Variants in TDRD12 observed in about 807,000 individuals in gnomAD.
TDRD12 encodes the protein tudor domain containing 12.
Under a neutral mutation model 133.5 loss-of-function variants are expected in TDRD12, and 158 were observed. The ratio of observed to expected loss-of-function variants is 1.18; its 90% CI spans 1.04 to 1.35. The LOEUF (loss-of-function observed/expected upper bound fraction) is 1.35. Among genes scored for constraint, TDRD12 ranks in the 40% most tolerant of loss-of-function variants. The probability of loss-of-function intolerance (pLI) is 0.00; values close to 1 mark genes in which losing one functional copy is unlikely to be tolerated. For synonymous variants in TDRD12, 460 were observed against 477.9 expected, an observed-to-expected ratio of 0.96 and a Z score of 0.49; for missense variants, 1,443 against 1,321.3, an observed-to-expected ratio of 1.09 and a Z score of -1.43.
At chr19:32,732,239 A>G (rs1464123958) in intron 2 of TDRD12, among the ~76,000 whole-genome samples, 1 of 152,200 alleles carries the variant, frequency 6.6e-6, no homozygotes, top group Non-Finnish European at 1.5e-5. Context: ...TCCAGACCTC[A>G]GGTGATCCAC....
chr19:32,781,608 C>T lies in TDRD12; in HGVS notation c.1121+4379C>T, dbSNP rs944293736. ...ATAGTTTGGGTATACATTTTGAAGA[C>T]ATTTCTACTTCTAGTTTCTAGTGTA... On this transcript the variant is annotated intron_variant, in intron 11 of 27. Transcript: ENST00000444215. 3.3e-5 allele frequency among the ~76,000 whole-genome samples: 5 copies of T among 152,152 alleles called. No homozygotes were observed. The South Asian group carries it at 8.3e-4, about 25-fold the overall frequency.
chr19:32,723,854 T>G (rs1352686918), intron 1 of TDRD12, among the ~76,000 whole-genome samples: 1 of 152,132 alleles, frequency 6.6e-6, no homozygotes, highest in African/African-American at 2.4e-5. Context: ...ATTACTGGGT[T>G]TTGTTTTGTT....
chr19:32,754,200 C>G (rs1236380669), intron 6 of TDRD12, among the ~76,000 whole-genome samples: 1 of 152,190 alleles, frequency 6.6e-6, no homozygotes, highest in Non-Finnish European at 1.5e-5. Context: ...AAGGCTGTGA[C>G]TTACACCTGT....
intron 7 of TDRD12, 31 bp from the exon 8 acceptor site, chr19:32,757,007 C>T: frequency 6.6e-7 from 1 of 1,518,162 alleles, no homozygotes; most frequent in Non-Finnish European, 9.0e-7. Flanking sequence ...TTATTTCATG[C>T]TTTAATTCTG....
intron 2 of TDRD12, among the ~76,000 whole-genome samples, chr19:32,737,641 C>T (rs1481173905): frequency 6.6e-6 from 1 of 152,040 alleles, no homozygotes; most frequent in Non-Finnish European, 1.5e-5. Context: ...GCGATCCTCC[C>T]ACCTCAGCCT....
chr19:32,748,592 TCTG>T (rs1969727725), intron 5 of TDRD12, 61 bp downstream of exon 5: 12 of 1,496,824 alleles, frequency 8.0e-6, no homozygotes, highest in African/African-American at 5.6e-5. Flanking sequence ...GGCCTCAGCT[TCTG>T]CTGCTGGCGG....
chr19:32,757,082 T>A, exon 8 of TDRD12: 1 of 1,551,892 alleles, frequency 6.4e-7, no homozygotes, highest in Non-Finnish European at 8.7e-7. Flanking sequence ...GCAACATACA[T>A]GGTGCAAGGG....
In TDRD12 at chr19:32,818,169, C is replaced by G. The variant is rs1310810055; in HGVS notation, c.3383+12C>G. 1 of 698,400 alleles carries G rather than the reference C, an allele frequency of 1.4e-6. No individual in the cohort carries two copies. The highest frequency in any genetic ancestry group is 2.0e-5 in the Admixed American group (1 of 49,384). 43.3% of individuals were successfully genotyped at this position (698,400 alleles called of 1,614,324 possible). On this transcript the variant is annotated intron_variant, in intron 27 of 27. Coordinates refer to ENST00000444215, the Ensembl canonical transcript of TDRD12. Reference sequence around the variant, plus strand: ...CAGGGGGGGCAGGGGTGAGTAAGAACACCACAGAGCTTCCTCCCAGAATGC... The same window carrying G: ...CAGGGGGGGCAGGGGTGAGTAAGAAGACCACAGAGCTTCCTCCCAGAATGC...
chr19:32,829,456 C>G (rs1967687895), downstream of TDRD12: 1 of 152,196 alleles, frequency 6.6e-6, no homozygotes, highest in East Asian at 1.9e-4. Context: ...AAGTTTTGGT[C>G]AAATATCTAA....
At position 32,772,790 on chromosome 19, in the gene TDRD12, T is replaced by G. The variant is rs781292950; in HGVS notation, c.903T>G (p.Asp301Glu). 15 of 1,517,590 alleles carry G rather than the reference T, an allele frequency of 9.9e-6. No homozygotes were observed. The Admixed American group carries it at 1.2e-4, about 12-fold the overall frequency. 94.0% of individuals were successfully genotyped at this position (1,517,590 alleles called of 1,614,324 possible). ...AATGTAATATGGATTCATTGAGAGA[T>G]TCACCTAAAGACAAATCTGAAAAGA... Residue 301 changes from aspartate to glutamate, a missense_variant, in exon 9 of 28, where the codon GAT (aspartate) becomes GAG (glutamate). Coordinates refer to ENST00000444215, the Ensembl canonical transcript of TDRD12.
intron 4 of TDRD12, among the ~76,000 whole-genome samples, chr19:32,746,906 G>A (rs887476324): frequency 3.3e-5 from 5 of 149,810 alleles, no homozygotes; most frequent in Non-Finnish European, 5.9e-5. Context: ...GAGAGAGAGA[G>A]AGGGAGAGAC....
intron 8 of TDRD12, among the ~76,000 whole-genome samples, chr19:32,767,668 G>C (rs183556676): frequency 6.6e-6 from 1 of 152,162 alleles, no homozygotes; most frequent in African/African-American, 2.4e-5. Context: ...CTCCCTTCCA[G>C]CTAGCTGGGG....
chr19:32,794,861 A>G, intron 14 of TDRD12, 48 bp downstream of exon 14: 1 of 682,706 alleles, frequency 1.5e-6, no homozygotes, highest in Non-Finnish European at 2.7e-6. Flanking sequence ...TTAAATATTT[A>G]TTTTAAAATT....
rs562269506 is a variant in TDRD12 at position 32,777,037 on chromosome 19, C to T, written c.1041-112C>T. 2.1e-4 allele frequency: 145 copies of T among 698,942 alleles called. 1 individual carries two copies. In the Middle Eastern group the frequency reaches 6.0e-3, roughly 29 times the overall value. The allele number at this position is 698,942 out of a possible 1,614,324, so 43.3% of individuals were successfully genotyped here. The stretch of plus-strand genomic sequence containing the variant: ...CCGAGTTGCTGGGACTATAGGTGCA[C>T]ACCACCATGCCCGGCATTTTTTATT... On this transcript the variant is annotated intron_variant, in intron 10 of 27. Coordinates refer to ENST00000444215, the Ensembl canonical transcript of TDRD12.
intron 1 of TDRD12, among the ~76,000 whole-genome samples, chr19:32,721,798 C>G (rs1335820386): frequency 6.6e-6 from 1 of 151,728 alleles, no homozygotes; most frequent in Non-Finnish European, 1.5e-5. Context: ...AGCTCCGCCT[C>G]CCGGGTTCAC....
At chr19:32,756,770 T>C (rs1278190460) in intron 7 of TDRD12, among the ~76,000 whole-genome samples, 1 of 152,170 alleles carries the variant, frequency 6.6e-6, no homozygotes, top group Non-Finnish European at 1.5e-5. Flanking sequence ...ATTTTGAATA[T>C]TTAGACTTTA....
chr19:32,781,460 T>G (rs1258865422), intron 11 of TDRD12, among the ~76,000 whole-genome samples: 1 of 152,222 alleles, frequency 6.6e-6, no homozygotes, highest in Non-Finnish European at 1.5e-5. Flanking sequence ...TTCTTCTTAC[T>G]TGGTTTACTC....
At chr19:32,762,997 T>G (rs1970193982) in intron 8 of TDRD12, among the ~76,000 whole-genome samples, 1 of 152,218 alleles carries the variant, frequency 6.6e-6, no homozygotes, top group African/African-American at 2.4e-5. Flanking sequence ...CTATTTGTGT[T>G]ATCTAAACCA....
chr19:32,799,386 G>A (rs1301123093), intron 16 of TDRD12, among the ~76,000 whole-genome samples: 1 of 152,158 alleles, frequency 6.6e-6, no homozygotes, highest in Non-Finnish European at 1.5e-5. Context: ...CCCTGCCAGA[G>A]CAGGCTTGCC....
Sources: allele counts gnomAD v4.1 joint callset (sites outside exome capture counted in the v4.1 genomes callset), GRCh38; gene constraint gnomAD v4.1.1; transcripts MANE v1.5; gene names NCBI Gene and HGNC (gene_info 2026-07-23, HGNC 2026-07-21).